Variants in NRXN3 observed in about 807,000 individuals in gnomAD.
The protein encoded by NRXN3 is neurexin 3.
NRXN3 carries 32 observed loss-of-function variants against 137.6 expected under a neutral mutation model. The observed-to-expected ratio is 0.23, with a 90% CI of 0.18 to 0.31. The LOEUF (loss-of-function observed/expected upper bound fraction) is 0.31. Among genes scored for constraint, NRXN3 ranks in the 10% least tolerant of loss-of-function variants. The pLI, the probability that NRXN3 is intolerant of heterozygous loss-of-function variation, is 1.00. For missense variants in NRXN3, 1,574 were observed against 2,062.5 expected (o/e 0.76, Z 4.59); for synonymous variants, 798 against 784.5 (o/e 1.02, Z -0.29).
rs138780482 is a variant in NRXN3, at chr14:78,984,387, C to T, written c.3143-3635C>T. 2.9e-3 allele frequency among the ~76,000 whole-genome samples: 445 copies of T among 152,122 alleles called. 3 individuals carry two copies. Among genetic ancestry groups the T allele is most frequent in the African/African-American group, 0.01 (426 of 41,460 alleles). The stretch of plus-strand genomic sequence containing the variant: ...AAGAAATTAATTTAATTACAGTCCA[C>T]GTAATTGTTATTAGTTAAGTAAATA... On this transcript the variant is annotated intron_variant, in intron 14 of 20. Coordinates refer to ENST00000335750, the MANE Select transcript of NRXN3 (RefSeq NM_001330195.2).
intron 4 of NRXN3, among the ~76,000 whole-genome samples, chr14:78,617,019 C>T (rs770400008): frequency 3.2e-4 from 48 of 152,202 alleles, no homozygotes; most frequent in Non-Finnish European, 6.9e-4. Flanking sequence ...CCCCCCACTG[C>T]ACTAACCTAA....
intron 4 of NRXN3, among the ~76,000 whole-genome samples, chr14:78,516,613 G>A (rs1235832389): frequency 6.6e-6 from 1 of 151,958 alleles, no homozygotes; most frequent in Non-Finnish European, 1.5e-5. Flanking sequence ...CATGCTTGCA[G>A]TATAAAATTC....
intron 15 of NRXN3, among the ~76,000 whole-genome samples, chr14:79,139,833 C>T (rs561479256): frequency 6.6e-6 from 1 of 151,556 alleles, no homozygotes; most frequent in Non-Finnish European, 1.5e-5. Flanking sequence ...TTAACTCCAC[C>T]TTTAAAATTA....
chr14:78,593,070 G>C (rs182870723), intron 4 of NRXN3, among the ~76,000 whole-genome samples: 10 of 152,290 alleles, frequency 6.6e-5, no homozygotes, highest in African/African-American at 2.2e-4. Context: ...TTTCTCCACT[G>C]TGTTCTCTGA....
At chr14:79,012,391 G>A (rs1256149271) in intron 15 of NRXN3, among the ~76,000 whole-genome samples, 4 of 152,136 alleles carry the variant, frequency 2.6e-5, no homozygotes, top group African/African-American at 9.7e-5. Context: ...AAGGAAAGAG[G>A]CAGAAATAGT....
chr14:79,366,298 GTTTC>G (rs2093890520), intron 15 of NRXN3, among the ~76,000 whole-genome samples: 1 of 152,070 alleles, frequency 6.6e-6, no homozygotes, highest in African/African-American at 2.4e-5. Context: ...AGCATTTACT[GTTTC>G]TTTGTGTTAG....
intron 15 of NRXN3, among the ~76,000 whole-genome samples, chr14:79,374,920 A>C (rs980635732): frequency 1.3e-5 from 2 of 152,162 alleles, no homozygotes; most frequent in African/African-American, 2.4e-5. Context: ...CCTCTTTAAA[A>C]CATTTTACAG....
At chr14:78,655,102 T>C (rs939412430) in intron 6 of NRXN3, among the ~76,000 whole-genome samples, 3 of 152,178 alleles carry the variant, frequency 2.0e-5, no homozygotes, top group African/African-American at 7.2e-5. Flanking sequence ...AAAAGAATAC[T>C]GGGCTTCAGA....
chr14:79,577,689 C>A (rs2097678174), intron 16 of NRXN3, among the ~76,000 whole-genome samples: 1 of 152,154 alleles, frequency 6.6e-6, no homozygotes, highest in Non-Finnish European at 1.5e-5. Flanking sequence ...TGTTATTTAT[C>A]TATGTGTCTT....
At position 79,088,049 on chromosome 14, in the gene NRXN3, A is replaced by G. The variant is rs199813559; in HGVS notation, c.3262+99908A>G. Among the ~76,000 whole-genome samples the G allele has an allele frequency of 1.0e-4, 15 of 150,452 alleles. No individual in the cohort carries two copies. The East Asian group carries it at 2.7e-3, about 27-fold the overall frequency. On this transcript the variant is annotated intron_variant, in intron 15 of 20. Coordinates refer to ENST00000335750, the MANE Select transcript of NRXN3 (RefSeq NM_001330195.2). The stretch of plus-strand genomic sequence containing the variant: ...CAATGGTACTTGAAGTAAAAGGATG[A>G]ACCCCTTCAAGAACAATGCTAGGTT...
intron 15 of NRXN3, among the ~76,000 whole-genome samples, chr14:79,217,424 C>T (rs2068729756): frequency 6.6e-6 from 1 of 152,120 alleles, no homozygotes; most frequent in Non-Finnish European, 1.5e-5. Flanking sequence ...GGATCCATCC[C>T]CATGACCCGG....
intron 6 of NRXN3, among the ~76,000 whole-genome samples, chr14:78,705,268 A>C (rs1381839647): frequency 6.6e-6 from 1 of 152,232 alleles, no homozygotes; most frequent in African/African-American, 2.4e-5. Flanking sequence ...TTTAGTTGAC[A>C]GTCTGATTTT....
chr14:79,344,133 G>A lies in NRXN3; in HGVS notation c.3263-123088G>A, dbSNP rs74069737. 4.9e-3 allele frequency among the ~76,000 whole-genome samples: 751 copies of A among 152,184 alleles called. 14 individuals carry two copies. The highest frequency in any genetic ancestry group is 0.017 in the African/African-American group (714 of 41,506). ...TCTCAGGACTTTGAAGACTCCAAGA[G>A]GAATGTATTATTATCTATATTCTAC... On this transcript the variant is annotated intron_variant, in intron 15 of 20. Coordinates refer to ENST00000335750, the MANE Select transcript of NRXN3 (RefSeq NM_001330195.2).
chr14:79,173,405 G>T (rs895328443), intron 15 of NRXN3, among the ~76,000 whole-genome samples: 1 of 151,642 alleles, frequency 6.6e-6, no homozygotes, highest in Non-Finnish European at 1.5e-5. Flanking sequence ...GGTAGTGTGT[G>T]CCTGTAGTCT....
intron 16 of NRXN3, among the ~76,000 whole-genome samples, chr14:79,539,024 TC>T (rs2097244723): frequency 6.6e-6 from 1 of 152,216 alleles, no homozygotes; most frequent in Non-Finnish European, 1.5e-5. Flanking sequence ...CTACCTAAGA[TC>T]ATCCAGCTAT....
intron 16 of NRXN3, among the ~76,000 whole-genome samples, chr14:79,571,185 AG>A (rs1372211993): frequency 6.6e-6 from 1 of 152,176 alleles, no homozygotes; most frequent in Non-Finnish European, 1.5e-5. Context: ...CAGAGACTTT[AG>A]GTACGCTGTG....
intron 19 of NRXN3, among the ~76,000 whole-genome samples, chr14:79,713,795 G>A (rs1478150661): frequency 6.6e-6 from 1 of 150,440 alleles, no homozygotes; most frequent in Non-Finnish European, 1.5e-5. Context: ...GAAAGAATGA[G>A]AATTAAATAA....
At chr14:78,538,440 T>C (rs546599291) in intron 4 of NRXN3, among the ~76,000 whole-genome samples, 123 of 152,332 alleles carry the variant, frequency 8.1e-4, no homozygotes, top group Non-Finnish European at 1.5e-3. Flanking sequence ...ATAGGAATGC[T>C]TGTGATTTTT....
chr14:78,983,631 G>A (rs544419333), intron 14 of NRXN3, among the ~76,000 whole-genome samples: 27 of 152,170 alleles, frequency 1.8e-4, no homozygotes, highest in African/African-American at 6.5e-4. Context: ...GGCCGAGGCA[G>A]GTAGATCACG....
Sources: gnomAD v4.1 joint callset for allele counts (sites outside exome capture counted in the v4.1 genomes callset) on GRCh38, gnomAD v4.1.1 for gene constraint, MANE v1.5 for transcripts, NCBI Gene and HGNC (gene_info 2026-07-23, HGNC 2026-07-21) for gene names.